Variants in TRIM49C observed in about 807,000 individuals in gnomAD.
The protein encoded by TRIM49C is tripartite motif containing 49C.
In TRIM49C, 6 loss-of-function variants were observed where a neutral mutation model predicts 21.4. The ratio of observed to expected loss-of-function variants is 0.28; its 90% CI spans 0.15 to 0.55. The LOEUF is 0.55. TRIM49C is among the 20% of genes least tolerant of loss of function. The pLI, the probability that TRIM49C is intolerant of heterozygous loss-of-function variation, is 0.94. For synonymous variants in TRIM49C, 57 were observed against 148.1 expected (o/e 0.38, Z 4.47); for missense variants, 161 against 442.4 (o/e 0.36, Z 5.71).
the TRIM49C span, among the ~76,000 whole-genome samples, chr11:90,060,580 T>TAAAAC: frequency 7.3e-6 from 1 of 136,746 alleles, no homozygotes; most frequent in Non-Finnish European, 1.6e-5. Flanking sequence ...TGACAACTAT[T>TAAAAC]AAAACAGAGA....
chr11:90,046,861 G>A (rs1386514203), downstream of TRIM49C, among the ~76,000 whole-genome samples: 14 of 122,988 alleles, frequency 1.1e-4, 3 homozygotes, highest in South Asian at 3.0e-4. Context: ...TGTGATGTTA[G>A]GGTGTCAATT....
chr11:90,056,003 G>T, the TRIM49C span, among the ~76,000 whole-genome samples: 6 of 123,252 alleles, frequency 4.9e-5, no homozygotes, highest in South Asian at 1.7e-3. Flanking sequence ...CTTTAGCCCA[G>T]GCCGGATTGC....
At chr11:90,064,249 C>G in the TRIM49C span, among the ~76,000 whole-genome samples, 1 of 150,748 alleles carries the variant, frequency 6.6e-6, no homozygotes, top group African/African-American at 2.5e-5. Flanking sequence ...TAATTAATAT[C>G]TATTATTTTT....
At chr11:90,064,375 T>C in the TRIM49C span, among the ~76,000 whole-genome samples, 1 of 151,376 alleles carries the variant, frequency 6.6e-6, no homozygotes, top group South Asian at 2.1e-4. Context: ...CAACCGTTAA[T>C]TATCTTCTAA....
chr11:90,038,924 T>G (rs1454437088), intron 6 of TRIM49C, among the ~76,000 whole-genome samples: 3 of 137,000 alleles, frequency 2.2e-5, no homozygotes, highest in Non-Finnish European at 4.8e-5. Flanking sequence ...TGATTCCTGG[T>G]TTTGTTTTTT....
chr11:90,055,732 A>G, the TRIM49C span, among the ~76,000 whole-genome samples: 43 of 146,468 alleles, frequency 2.9e-4, 1 homozygote, highest in African/African-American at 1.0e-3. Context: ...TGCATGGGAC[A>G]TGGCAATAAA....
In TRIM49C at chr11:90,041,255, T is replaced by C. The variant is rs778158875; in HGVS notation, c.1064T>C (p.Phe355Ser). 2.5e-5 allele frequency: 39 copies of C among 1,578,442 alleles called. 2 individuals carry two copies. The highest frequency in any genetic ancestry group is 3.3e-5 in the Non-Finnish European group (38 of 1,157,446). ...VHVGDSWNWA[F>S]GVCNMYRKEK... Reference sequence around the variant, plus strand: ...GTAGGGGACTCCTGGAATTGGGCTTTTGGTGTCTGTAATATGTATCGGAAG... The same window carrying C: ...GTAGGGGACTCCTGGAATTGGGCTTCTGGTGTCTGTAATATGTATCGGAAG... Residue 355 changes from phenylalanine to serine, a missense_variant, in exon 8 of 8, where the codon TTT (phenylalanine) becomes TCT (serine). Physicochemically the swap from Phe to Ser is radical, Grantham distance 155. This residue lies in a region of TRIM49C where 63 missense variants were observed against 67.6 expected (regional missense o/e 0.93). Coordinates refer to ENST00000448984, the MANE Select transcript of TRIM49C (RefSeq NM_001195234.1).
chr11:90,033,064 CA>C (rs2134812198), intron 2 of TRIM49C, among the ~76,000 whole-genome samples: 1 of 133,512 alleles, frequency 7.5e-6, no homozygotes, highest in South Asian at 2.6e-4. Flanking sequence ...CTTTAGAAAT[CA>C]AAACACAATT....
Position 90,038,752 on chromosome 11 carries a change from A to G in TRIM49C, c.761+37A>G, listed in dbSNP as rs1249494885. On this transcript the variant is annotated intron_variant, in intron 6 of 7. Transcript: ENST00000448984. ...CCTAGATTTTAGCATATGTTCTTTA[A>G]GATTCCACGACTATCAAAGCAGGCT... 13 of 863,848 alleles carry G rather than the reference A, an allele frequency of 1.5e-5. 3 individuals carry two copies. Among genetic ancestry groups the G allele is most frequent in the Non-Finnish European group, 1.3e-5 (8 of 611,468 alleles). The allele number at this position is 863,848 out of a possible 1,614,324, so 53.5% of individuals were successfully genotyped here.
chr11:90,040,962 GC>G (rs1185589778), intron 7 of TRIM49C, 88 bp from the exon 8 acceptor site: 2 of 1,450,278 alleles, frequency 1.4e-6, no homozygotes, highest in Non-Finnish European at 1.8e-6. Flanking sequence ...CTTTACATTT[GC>G]TGGTAAAGTA....
At chr11:90,052,859 A>G in the TRIM49C span, 1,440 of 121,646 alleles carry the variant, frequency 0.012, 23 homozygotes, top group Admixed American at 0.023. Context: ...TAGTAAAATA[A>G]CGCAGGGAAG....
the TRIM49C span, among the ~76,000 whole-genome samples, chr11:90,066,164 G>T: frequency 1.5e-5 from 2 of 134,880 alleles, no homozygotes; most frequent in African/African-American, 5.3e-5. Context: ...GGGATTACAG[G>T]CACCTGCCAC....
chr11:90,062,206 A>G, the TRIM49C span: 1 of 460,758 alleles, frequency 2.2e-6, no homozygotes, highest in Middle Eastern at 6.2e-4. Context: ...TATGATTCTA[A>G]TAATTTGGAT....
At chr11:90,035,053 G>C (rs1290132998) in intron 2 of TRIM49C, among the ~76,000 whole-genome samples, 155 bp from the exon 3 acceptor site, 1 of 139,096 alleles carries the variant, frequency 7.2e-6, no homozygotes, top group African/African-American at 2.7e-5. Context: ...CTCCCTCTAA[G>C]TGTAAATTTT....
chr11:90,048,442 T>C, the TRIM49C span, among the ~76,000 whole-genome samples: 5 of 122,768 alleles, frequency 4.1e-5, 1 homozygote, highest in Non-Finnish European at 8.3e-5. Flanking sequence ...TTGTCCCATA[T>C]TTCTTGGAGG....
Position 90,041,331 on chromosome 11 carries a change from T to C in TRIM49C, c.1140T>C (p.Leu380=). The change falls in exon 8 of 8, where the codon CTT becomes CTC. Residue 380 remains leucine (L), a synonymous_variant. Transcript: ENST00000448984. ...KIDGKEGLFL[L]GCIKNDIQCS... Reference sequence around the variant, plus strand: ...ATGGAAAGGAGGGACTCTTTCTTCTTGGGTGTATTAAGAATGACATTCAAT... The same window carrying C: ...ATGGAAAGGAGGGACTCTTTCTTCTCGGGTGTATTAAGAATGACATTCAAT... 6.3e-7 allele frequency: 1 copy of C among 1,590,344 alleles called. No individual in the cohort carries two copies. The highest frequency in any genetic ancestry group is 8.6e-7 in the Non-Finnish European group (1 of 1,165,130).
At chr11:90,066,489 TTG>T in the TRIM49C span, among the ~76,000 whole-genome samples, 2 of 111,340 alleles carry the variant, frequency 1.8e-5, no homozygotes, top group African/African-American at 6.3e-5. Flanking sequence ...AGGAACTCAA[TTG>T]TGTTTCACAT....
intron 2 of TRIM49C, among the ~76,000 whole-genome samples, chr11:90,033,945 C>CAA (rs1168016150): frequency 1.4e-5 from 1 of 70,200 alleles, no homozygotes; most frequent in Non-Finnish European, 2.6e-5. Context: ...TACTCTGTCT[C>CAA]AAAAAAAAAA....
chr11:90,067,960 T>G, the TRIM49C span, among the ~76,000 whole-genome samples: 1 of 121,454 alleles, frequency 8.2e-6, no homozygotes, highest in South Asian at 3.1e-4. Flanking sequence ...AAACTCCAAT[T>G]ATAAGTGACT....
Sources: gnomAD v4.1 joint callset for allele counts (sites outside exome capture counted in the v4.1 genomes callset) on GRCh38, gnomAD v4.1.1 for gene constraint, gnomAD v4.1.1 regional missense constraint, MANE v1.5 for transcripts, NCBI Gene and HGNC (gene_info 2026-07-23, HGNC 2026-07-21) for gene names.